DLG2: variants seen among roughly 807,000 people sequenced by gnomAD.
DLG2 encodes disks large homolog 2.
A neutral mutation model predicts 132.5 loss-of-function variants in DLG2; 45 were observed. The ratio of observed to expected loss-of-function variants is 0.34; its 90% CI spans 0.27 to 0.44. The LOEUF (loss-of-function observed/expected upper bound fraction) is 0.44. Ranked by LOEUF, DLG2 falls within the 20% of genes least tolerant of loss-of-function variation. The pLI is 1.00. For synonymous variants in DLG2, 424 were observed against 419.6 expected (o/e 1.01, Z -0.13); for missense variants, 1,045 against 1,196.9 (o/e 0.87, Z 1.87).
At chr11:84,994,797 G>T (rs902460396) in intron 6 of DLG2, among the ~76,000 whole-genome samples, 28 of 152,124 alleles carry the variant, frequency 1.8e-4, no homozygotes, top group African/African-American at 6.5e-4. Flanking sequence ...GATAATGGGG[G>T]TTATTGAAGA....
At chr11:83,920,421 A>G (rs929062317) in intron 15 of DLG2, among the ~76,000 whole-genome samples, 1 of 152,174 alleles carries the variant, frequency 6.6e-6, no homozygotes, top group African/African-American at 2.4e-5. Context: ...TTAGATCTCT[A>G]TATAAATACA....
intron 3 of DLG2, among the ~76,000 whole-genome samples, chr11:85,324,884 C>G (rs2081338356): frequency 6.7e-6 from 1 of 149,346 alleles, no homozygotes; most frequent in African/African-American, 2.5e-5. Context: ...CTAGGGAGTG[C>G]CAGACAGTGG....
In DLG2 at chr11:85,599,006, T is replaced by C. The variant is rs148078888; in HGVS notation, c.-92-218A>G. Among the ~76,000 whole-genome samples the C allele has an allele frequency of 5.5e-4, 84 of 152,282 alleles. 1 individual carries two copies. In the East Asian group the frequency reaches 0.016, roughly 28 times the overall value. ...TAGTCTTGTCTTCCAAAAGAATCCC[T>C]AACTGTAAAACAAAACAAAGAATTC... is the stretch of plus-strand genomic sequence containing the variant. On this transcript the variant is annotated intron_variant, in intron 2 of 27. Transcript: ENST00000376104.
intron 3 of DLG2, among the ~76,000 whole-genome samples, chr11:85,417,575 C>T: frequency 6.6e-6 from 1 of 151,940 alleles, no homozygotes; most frequent in Admixed American, 6.6e-5. Context: ...ATCTGGTCCT[C>T]AGCTTTTTTT....
At chr11:84,190,032 G>T (rs1039856380) in intron 8 of DLG2, among the ~76,000 whole-genome samples, 4 of 151,756 alleles carry the variant, frequency 2.6e-5, no homozygotes, top group African/African-American at 9.7e-5. Context: ...AGGACAAACC[G>T]CACAGTAAGG....
intron 6 of DLG2, among the ~76,000 whole-genome samples, chr11:84,940,273 C>T (rs891145482): frequency 6.6e-6 from 1 of 152,208 alleles, no homozygotes; most frequent in Non-Finnish European, 1.5e-5. Context: ...GCCTCAGCCT[C>T]CTGAGTAGCT....
Position 84,564,825 on chromosome 11 carries a change from G to A in DLG2, c.358-30094C>T, listed in dbSNP as rs182536479. Among the ~76,000 whole-genome samples, 134 of 152,272 alleles carry A rather than the reference G, an allele frequency of 8.8e-4. 2 individuals carry two copies. Among genetic ancestry groups the A allele is most frequent in the Non-Finnish European group, 1.3e-4 (9 of 68,010 alleles). The stretch of plus-strand genomic sequence containing the variant: ...TACCTGAACTACAGTTACCAAAGAA[G>A]TTAATTCTTTCCTGTGTTTGCACAT... On this transcript the variant is annotated intron_variant, in intron 6 of 27. Transcript: ENST00000376104.
chr11:85,247,062 G>A (rs1426317732), intron 4 of DLG2, among the ~76,000 whole-genome samples: 2 of 148,934 alleles, frequency 1.3e-5, no homozygotes, highest in African/African-American at 5.1e-5. Context: ...AAAATTTAAT[G>A]TTCAAATCCT....
chr11:84,881,719 C>A (rs2087375651), intron 6 of DLG2, among the ~76,000 whole-genome samples: 3 of 152,072 alleles, frequency 2.0e-5, no homozygotes, highest in Admixed American at 2.0e-4. Flanking sequence ...ATGTAAACCA[C>A]CATTCAAGGC....
chr11:84,142,163 A>G (rs182946758), intron 9 of DLG2, among the ~76,000 whole-genome samples: 3 of 151,938 alleles, frequency 2.0e-5, no homozygotes, highest in Admixed American at 6.6e-5. Flanking sequence ...TTAGCTGCAC[A>G]TGGTGGCACA....
At chr11:83,803,278 T>C (rs1184752589) in intron 17 of DLG2, among the ~76,000 whole-genome samples, 1 of 152,096 alleles carries the variant, frequency 6.6e-6, no homozygotes, top group Non-Finnish European at 1.5e-5. Flanking sequence ...AGTTCTCAAC[T>C]GGGTATGAAA....
rs1001358112 is a variant in DLG2, at chr11:84,727,287, G to A, written c.358-192556C>T. Among the ~76,000 whole-genome samples, 7 of 152,118 alleles carry A rather than the reference G, an allele frequency of 4.6e-5. No homozygotes were observed. In the East Asian group the frequency reaches 7.7e-4, roughly 17 times the overall value. ...GATTTTTGTATAAGGTGTAAGGAAC[G>A]GGTCCAGTGTCAGTTTTCTGCATAT... On this transcript the variant is annotated intron_variant, in intron 6 of 27. Coordinates refer to ENST00000376104, the MANE Select transcript of DLG2 (RefSeq NM_001142699.3).
intron 9 of DLG2, among the ~76,000 whole-genome samples, chr11:84,151,602 T>C (rs760826141): frequency 6.6e-6 from 1 of 152,180 alleles, no homozygotes. Flanking sequence ...GGTTAGTTTG[T>C]TCTTGTTTTT....
Position 85,366,897 on chromosome 11 carries a change from G to C in DLG2, c.41-81532C>G, listed in dbSNP as rs76221710. ...GTCAACCATTATTAACTATATTTTT[G>C]TGAATTCCTTGTTTATGATGTCATG... On this transcript the variant is annotated intron_variant, in intron 3 of 27. Transcript: ENST00000376104. 2.6e-3 allele frequency among the ~76,000 whole-genome samples: 391 copies of C among 152,054 alleles called. 1 individual carries two copies. Among genetic ancestry groups the C allele is most frequent in the African/African-American group, 9.1e-3 (379 of 41,508 alleles).
chr11:84,858,039 C>T (rs1325064257), intron 6 of DLG2, among the ~76,000 whole-genome samples: 1 of 151,882 alleles, frequency 6.6e-6, no homozygotes, highest in Non-Finnish European at 1.5e-5. Context: ...ACCACAGGTA[C>T]ATGCCATCAC....
chr11:84,836,050 C>T (rs1340576246), intron 6 of DLG2, among the ~76,000 whole-genome samples: 1 of 151,748 alleles, frequency 6.6e-6, no homozygotes, highest in African/African-American at 2.4e-5. Flanking sequence ...TTCCACCTCT[C>T]AGTGTTTGCT....
intron 18 of DLG2, among the ~76,000 whole-genome samples, chr11:83,747,526 C>T (rs762986097): frequency 2.0e-5 from 3 of 152,024 alleles, no homozygotes; most frequent in Non-Finnish European, 4.4e-5. Context: ...CGCCAACACA[C>T]CTTGCTAATT....
intron 3 of DLG2, among the ~76,000 whole-genome samples, chr11:85,342,764 T>A (rs948614087): frequency 2.6e-5 from 4 of 152,208 alleles, no homozygotes; most frequent in African/African-American, 9.7e-5. Flanking sequence ...TTACAACAGC[T>A]ACAATGTCAC....
At chr11:84,758,693 C>T (rs896124261) in intron 6 of DLG2, among the ~76,000 whole-genome samples, 1 of 152,044 alleles carries the variant, frequency 6.6e-6, no homozygotes, top group African/African-American at 2.4e-5. Flanking sequence ...TTTTCATGTT[C>T]TGATTCAAAT....
Sources: gnomAD v4.1 joint callset for allele counts (sites outside exome capture counted in the v4.1 genomes callset) on GRCh38, gnomAD v4.1.1 for gene constraint, MANE v1.5 for transcripts, NCBI Gene and HGNC (gene_info 2026-07-23, HGNC 2026-07-21) for gene names.